The following OR10H3 variants were observed in gnomAD, a reference collection of about 807,000 sequenced individuals.
OR10H3 encodes olfactory receptor family 10 subfamily H member 3.
OR10H3 carries 15 observed loss-of-function variants against 11.1 expected under a neutral mutation model. The observed-to-expected ratio is 1.36, with a 90% confidence interval of 0.91 to 2.09. OR10H3 has a LOEUF of 2.09. Ranked by LOEUF, OR10H3 falls within the 30% of genes most tolerant of loss-of-function variation. The pLI, the probability that OR10H3 is intolerant of heterozygous loss-of-function variation, is 0.00. For missense variants in OR10H3, 403 were observed against 391.5 expected (o/e 1.03, Z -0.25); for synonymous variants, 149 against 142.1 (o/e 1.05, Z -0.35).
chr19:15,739,457 G>GCACA (rs1385846245), intron 1 of OR10H3, among the ~76,000 whole-genome samples: 10 of 152,190 alleles, frequency 6.6e-5, no homozygotes, highest in Non-Finnish European at 8.8e-5. Context: ...TTGGGAGGCT[G>GCACA]AGGTGGGCGG....
Position 15,741,836 on chromosome 19 carries a change from G to C in OR10H3, c.444G>C (p.Trp148Cys). 1 of 1,614,204 alleles carries C rather than the reference G, an allele frequency of 6.2e-7. No individual in the cohort carries two copies. ...GTGGCTGTGCCCATCTTGTGGCCTGGACCTGGGCTGGTGGCTCGGTCATGG... is the reference window on the plus strand; with the variant it reads ...GTGGCTGTGCCCATCTTGTGGCCTGCACCTGGGCTGGTGGCTCGGTCATGG... ...SPRGCAHLVA[W>C]TWAGGSVMGM... Residue 148 changes from tryptophan (W) to cysteine (C), a missense_variant, in exon 2 of 2, where the codon TGG becomes TGC. Trp to Cys is a radical substitution (Grantham distance 215). Transcript: ENST00000641646.
At chr19:15,741,301 G>A (rs1197720094) in intron 1 of OR10H3, 81 bp from the exon 2 acceptor site, 1 of 821,210 alleles carries the variant, frequency 1.2e-6, no homozygotes, top group South Asian at 1.6e-5. Context: ...GAATAGCATA[G>A]AGCTGTTGGG....
Position 15,741,515 on chromosome 19 carries a change from T to G in OR10H3, c.123T>G (p.Leu41=), listed in dbSNP as rs374241250. The G allele has an allele frequency of 6.2e-7, 1 of 1,614,256 alleles. No homozygotes were observed. Among genetic ancestry groups the G allele is most frequent in the Admixed American group, 1.7e-5 (1 of 60,032 alleles). The change falls in exon 2 of 2, where the codon CTT becomes CTG. Residue 41 remains leucine (L), a synonymous_variant. Transcript: ENST00000641646. ...LYLLMFLFTL[L]GNLLIMATVW... is the part of the protein sequence containing the mutation. ...TCCTGATGTTCCTGTTCACATTGCT[T>G]GGCAACCTTCTTATCATGGCCACAG...
intron 1 of OR10H3, 70 bp downstream of exon 1, chr19:15,738,121 T>C (rs1413668842): frequency 6.6e-6 from 1 of 152,234 alleles, no homozygotes; most frequent in South Asian, 2.1e-4. Context: ...GTGTTGTATT[T>C]GCTAATTTGT....
rs762132797 is a variant in OR10H3, at chr19:15,742,024, G to T, written c.632G>T (p.Gly211Val). Residue 211 changes from glycine to valine, a missense_variant, in exon 2 of 2, where the codon GGC becomes GTC. Physicochemically the swap from Gly to Val is moderately radical, Grantham distance 109. Coordinates refer to ENST00000641646, the MANE Select transcript of OR10H3 (RefSeq NM_013938.2). ...CTGGTGTGTGTCACAGCCCTGATAG[G>T]CTGTTTGTTCCTCATCATCCTCTCC... ...VMLVCVTALIGCLFLIILSFV... is the reference protein window; with the variant it reads ...VMLVCVTALIVCLFLIILSFV... 1.9e-6 allele frequency: 3 copies of T among 1,614,136 alleles called. No individual in the cohort carries two copies. The highest frequency in any genetic ancestry group is 1.3e-5 in the African/African-American group (1 of 75,028).
chr19:15,741,477 T>C lies in OR10H3; in HGVS notation c.85T>C (p.Phe29Leu), dbSNP rs762215881. 3.1e-6 allele frequency: 5 copies of C among 1,614,242 alleles called. No homozygotes were observed. The highest frequency in any genetic ancestry group is 3.4e-6 in the Non-Finnish European group (4 of 1,180,038). The change falls in exon 2 of 2, where the codon TTC becomes CTC. Residue 29 changes from phenylalanine (F) to leucine (L), a missense_variant. By Grantham distance (22) the Phe-to-Leu change is conservative. Coordinates refer to ENST00000641646, the MANE Select transcript of OR10H3 (RefSeq NM_013938.2). ...CCCCCAGCAGCTCCTGCCTGTCTTG[T>C]TCCTGCTGTACCTCCTGATGTTCCT... ...AFPQQLLPVL[F>L]LLYLLMFLFT...
At position 15,741,596 on chromosome 19, in the gene OR10H3, C is replaced by T; in HGVS notation, c.204C>T (p.Ser68=). Reference sequence around the variant, plus strand: ...TGTACCTCTTCTTGTGTGCCCTCTCCATCTCTGAGATTCTGTTCACTGTTG... The same window carrying T: ...TGTACCTCTTCTTGTGTGCCCTCTCTATCTCTGAGATTCTGTTCACTGTTG... ...TPMYLFLCAL[S]ISEILFTVAI... is the part of the protein sequence containing the mutation. Residue 68 remains serine (S), a synonymous_variant, in exon 2 of 2, where the codon TCC becomes TCT. Transcript: ENST00000641646. The T allele has an allele frequency of 1.2e-6, 2 of 1,614,198 alleles. No homozygotes were observed. Among genetic ancestry groups the T allele is most frequent in the Admixed American group, 3.3e-5 (2 of 60,034 alleles).
intron 1 of OR10H3, among the ~76,000 whole-genome samples, chr19:15,740,950 A>G (rs2008690193): frequency 6.6e-6 from 1 of 152,248 alleles, no homozygotes. Flanking sequence ...GAGTATTAAA[A>G]TAAATGTAAA....
chr19:15,741,345 A>G (rs1307684606), intron 1 of OR10H3, 37 bp from the exon 2 acceptor site: 1 of 1,368,924 alleles, frequency 7.3e-7, no homozygotes, highest in African/African-American at 1.4e-5. Flanking sequence ...TCTAAGTTTT[A>G]ACCACTGTCA....
rs1028423691 is a variant in OR10H3 at position 15,741,675 on chromosome 19, T to A, written c.283T>A (p.Phe95Ile). The change falls in exon 2 of 2, where the codon TTT (phenylalanine) becomes ATT (isoleucine). Residue 95 changes from phenylalanine to isoleucine, a missense_variant. By Grantham distance (21) the Phe-to-Ile change is conservative (BLOSUM62 0). Transcript: ENST00000641646. The part of the protein sequence containing the change: ...DLLFTHRSIT[F>I]VACAIQMFFS... ...GCTCTTCACCCATCGTTCCATCACC[T>A]TTGTGGCTTGTGCCATTCAGATGTT... 5.9e-5 allele frequency: 96 copies of A among 1,614,098 alleles called. No individual in the cohort carries two copies. Among genetic ancestry groups the A allele is most frequent in the Non-Finnish European group, 8.1e-5 (95 of 1,180,044 alleles).
intron 1 of OR10H3, 145 bp downstream of exon 1, chr19:15,738,196 T>TA (rs398120857): frequency 1.3e-5 from 2 of 152,134 alleles, no homozygotes; most frequent in Non-Finnish European, 2.9e-5. Context: ...TGTTTTTTTT[T>TA]AAATCATAAT....
intron 1 of OR10H3, 129 bp downstream of exon 1, chr19:15,738,180 G>A (rs1318821448): frequency 2.7e-5 from 4 of 145,472 alleles, no homozygotes; most frequent in Admixed American, 1.4e-4. Flanking sequence ...ATTTTGTGTT[G>A]TGAAGTGTTT....
Position 15,742,188 on chromosome 19 carries a change from G to A in OR10H3, c.796G>A (p.Gly266Ser). ...FASLIYLKPK[G>S]LHSMYSDALM... ...CTCCCTTATCTACCTCAAACCCAAG[G>A]GCCTCCATTCTATGTACAGTGATGC... Residue 266 changes from glycine to serine, a missense_variant, in exon 2 of 2, where the codon GGC becomes AGC. Coordinates refer to ENST00000641646, the MANE Select transcript of OR10H3 (RefSeq NM_013938.2). The A allele has an allele frequency of 1.2e-6, 2 of 1,613,902 alleles. No homozygotes were observed. The highest frequency in any genetic ancestry group is 1.3e-5 in the African/African-American group (1 of 74,938).
In OR10H3 at chr19:15,741,563, C is replaced by T. The variant is rs1213463667; in HGVS notation, c.171C>T (p.His57=). The change falls in exon 2 of 2, where the codon CAC becomes CAT. Residue 57 remains histidine (H), a synonymous_variant. Transcript: ENST00000641646. ...MATVWIERRL[H]TPMYLFLCAL... is the part of the protein sequence containing the mutation. The stretch of plus-strand genomic sequence containing the variant: ...CAGTTTGGATTGAACGCAGACTCCA[C>T]ACACCCATGTACCTCTTCTTGTGTG... 8 of 1,614,078 alleles carry T rather than the reference C, an allele frequency of 5.0e-6. No individual in the cohort carries two copies. Among genetic ancestry groups the T allele is most frequent in the Non-Finnish European group, 6.8e-6 (8 of 1,180,038 alleles).
chr19:15,741,589 C>T lies in OR10H3; in HGVS notation c.197C>T (p.Ala66Val). 6.2e-7 allele frequency: 1 copy of T among 1,614,180 alleles called. No homozygotes were observed. The highest frequency in any genetic ancestry group is 8.5e-7 in the Non-Finnish European group (1 of 1,180,022). Residue 66 changes from alanine to valine, a missense_variant, in exon 2 of 2, where the codon GCC (alanine) becomes GTC (valine). Transcript: ENST00000641646. The stretch of plus-strand genomic sequence containing the variant: ...ACACCCATGTACCTCTTCTTGTGTG[C>T]CCTCTCCATCTCTGAGATTCTGTTC... The part of the protein sequence containing the change: ...LHTPMYLFLC[A>V]LSISEILFTV...
chr19:15,740,292 G>T (rs2008683393), intron 1 of OR10H3, among the ~76,000 whole-genome samples: 1 of 152,028 alleles, frequency 6.6e-6, no homozygotes, highest in Non-Finnish European at 1.5e-5. Context: ...CAATAATAAT[G>T]CTTTAATATT....
Position 15,742,283 on chromosome 19 carries a change from G to A in OR10H3, c.891G>A (p.Lys297=). The A allele has an allele frequency of 6.2e-7, 1 of 1,612,978 alleles. No homozygotes were observed. Among genetic ancestry groups the A allele is most frequent in the Non-Finnish European group, 8.5e-7 (1 of 1,180,014 alleles). Residue 297 remains lysine, a synonymous_variant, in exon 2 of 2, where the codon AAG becomes AAA. Coordinates refer to ENST00000641646, the MANE Select transcript of OR10H3 (RefSeq NM_013938.2). ...LSPIIFSLRN[K]ELKNAINKNF... ...CAATCATTTTCAGTCTAAGGAACAA[G>A]GAGCTGAAGAATGCCATAAATAAAA...
Position 15,740,091 on chromosome 19 carries a change from CA to C in OR10H3, c.-11-1275del, listed in dbSNP as rs11375276. 5.6e-3 allele frequency among the ~76,000 whole-genome samples: 701 copies of C among 124,552 alleles called. 3 individuals are homozygous for C. Among genetic ancestry groups the C allele is most frequent in the African/African-American group, 8.3e-3 (276 of 33,186 alleles). 81.7% of individuals were successfully genotyped at this position (124,552 alleles called of 152,430 possible). A position where few individuals can be genotyped will look rare whatever the true frequency, so the allele number is the denominator to read the frequency against. On this transcript the variant is annotated intron_variant, in intron 1 of 1. Coordinates refer to ENST00000641646, the MANE Select transcript of OR10H3 (RefSeq NM_013938.2). ...GCAACAAAGCAAAGCCCTGTCTCTA[CA>C]AAAAAAAAAAAAAAATGTTTAATTA...
At chr19:15,739,658 T>C (rs893078773) in intron 1 of OR10H3, among the ~76,000 whole-genome samples, 1 of 151,976 alleles carries the variant, frequency 6.6e-6, no homozygotes, top group East Asian at 1.9e-4. Flanking sequence ...ACCATTGCAC[T>C]CCAGCCTGGG....
Sources: gnomAD v4.1 joint callset for allele counts (sites outside exome capture counted in the v4.1 genomes callset) on GRCh38, gnomAD v4.1.1 for gene constraint, MANE v1.5 for transcripts, NCBI Gene and HGNC (gene_info 2026-07-23, HGNC 2026-07-21) for gene names.